The following GABBR2 variants were observed in gnomAD, a reference collection of about 807,000 sequenced individuals.
GABBR2 encodes gamma-aminobutyric acid type B receptor subunit 2, also known as G-protein coupled receptor 51.
A neutral mutation model predicts 105.6 loss-of-function variants in GABBR2; 23 were observed. That is an observed-to-expected ratio of 0.22 (90% CI 0.16 to 0.31). The LOEUF (loss-of-function observed/expected upper bound fraction) is 0.31. Ranked by LOEUF, GABBR2 falls within the 10% of genes least tolerant of loss-of-function variation. The probability of loss-of-function intolerance (pLI) is 1.00; values close to 1 mark genes in which losing one functional copy is unlikely to be tolerated. For synonymous variants in GABBR2, 478 were observed against 499.7 expected (o/e 0.96, Z 0.58); for missense variants, 734 against 1,245.5 (o/e 0.59, Z 6.18).
intron 4 of GABBR2, among the ~76,000 whole-genome samples, chr9:98,492,262 T>A (rs1178004390): frequency 6.9e-6 from 1 of 145,138 alleles, no homozygotes; most frequent in Non-Finnish European, 1.5e-5. Flanking sequence ...ATTGTTGTAG[T>A]TCAAAAACTG....
At chr9:98,448,310 C>G (rs1480541028) in intron 7 of GABBR2, among the ~76,000 whole-genome samples, 1 of 152,106 alleles carries the variant, frequency 6.6e-6, no homozygotes, top group Non-Finnish European at 1.5e-5. Flanking sequence ...TTCAATTTCC[C>G]TATGGTCAAA....
intron 3 of GABBR2, among the ~76,000 whole-genome samples, chr9:98,498,161 T>C (rs556826423): frequency 6.6e-6 from 1 of 151,026 alleles, no homozygotes; most frequent in East Asian, 2.0e-4. Context: ...ACTCTATTCA[T>C]ATGAGATACT....
intron 16 of GABBR2, chr9:98,302,961 C>A: frequency 2.3e-6 from 1 of 427,212 alleles, no homozygotes; most frequent in Non-Finnish European, 4.1e-6. Context: ...TCCAGAAGCT[C>A]ACAAATCTCC....
intron 1 of GABBR2, among the ~76,000 whole-genome samples, chr9:98,580,696 G>C (rs750701715): frequency 3.9e-4 from 59 of 152,282 alleles, no homozygotes; most frequent in South Asian, 1.2e-3. Flanking sequence ...GCTGAGGCAG[G>C]AGAATCGCTT....
At chr9:98,423,927 G>A (rs915037237) in intron 7 of GABBR2, among the ~76,000 whole-genome samples, 3 of 152,074 alleles carry the variant, frequency 2.0e-5, no homozygotes, top group Non-Finnish European at 2.9e-5. Flanking sequence ...GATATGCGGC[G>A]TTATTTCTGA....
At position 98,642,750 on chromosome 9, in the gene GABBR2, T is replaced by C. The variant is rs556530883; in HGVS notation, c.322-64678A>G. Among the ~76,000 whole-genome samples the C allele has an allele frequency of 3.9e-5, 6 of 152,314 alleles. No individual in the cohort carries two copies. The East Asian group carries it at 1.2e-3, about 29-fold the overall frequency. Reference sequence around the variant, plus strand: ...GAAAATTCTGTTTTAGGCGTGCGCGTGTGTGTGTAGGTGTGAATGCACTGT... The same window carrying C: ...GAAAATTCTGTTTTAGGCGTGCGCGCGTGTGTGTAGGTGTGAATGCACTGT... On this transcript the variant is annotated intron_variant, in intron 1 of 18. Transcript: ENST00000259455.
chr9:98,469,695 C>T (rs1826629132), intron 6 of GABBR2, among the ~76,000 whole-genome samples: 1 of 152,242 alleles, frequency 6.6e-6, no homozygotes, highest in Non-Finnish European at 1.5e-5. Flanking sequence ...CCAAGGGTTA[C>T]AATGTGGATA....
In GABBR2 at chr9:98,388,639, GT is replaced by G. The variant is rs1378869458; in HGVS notation, c.1529+214del. Reference sequence around the variant, plus strand: ...GGCCTCTGTGTGTGTGTGTGTGTGTGTGTGTGTGTGTGTGTGTGTGTGCGTG... The same window carrying G: ...GGCCTCTGTGTGTGTGTGTGTGTGTGGTGTGTGTGTGTGTGTGTGTGCGTG... On this transcript the variant is annotated intron_variant, in intron 10 of 18. Coordinates refer to ENST00000259455, the MANE Select transcript of GABBR2 (RefSeq NM_005458.8). This position sits in a 1 kb window ranked among gnomAD's most constrained non-coding sequence, Gnocchi z 4.4. Among the ~76,000 whole-genome samples, 4 of 151,866 alleles carry G rather than the reference GT, an allele frequency of 2.6e-5. No homozygotes were observed. The highest frequency in any genetic ancestry group is 6.6e-5 in the Admixed American group (1 of 15,254).
chr9:98,581,890 T>C (rs138656967), intron 1 of GABBR2, among the ~76,000 whole-genome samples: 2 of 152,370 alleles, frequency 1.3e-5, no homozygotes, highest in Non-Finnish European at 2.9e-5. Context: ...ATCCAGCCCA[T>C]GCAAGATTCT....
At chr9:98,485,438 T>A (rs1246899253) in intron 4 of GABBR2, among the ~76,000 whole-genome samples, 1 of 151,984 alleles carries the variant, frequency 6.6e-6, no homozygotes. Flanking sequence ...CCCTGTCTCA[T>A]CCCTCATCTA....
chr9:98,291,085 C>T (rs1361293388), intron 18 of GABBR2, among the ~76,000 whole-genome samples: 1 of 152,118 alleles, frequency 6.6e-6, no homozygotes, highest in East Asian at 1.9e-4. Context: ...TTCCCATAAA[C>T]CCATTGTAAG....
At chr9:98,584,201 A>G (rs1486576806) in intron 1 of GABBR2, among the ~76,000 whole-genome samples, 2 of 151,798 alleles carry the variant, frequency 1.3e-5, no homozygotes, top group Admixed American at 6.6e-5. Flanking sequence ...GCATGGCCAC[A>G]ACTTGACCAG....
At chr9:98,604,705 A>G (rs1346598833) in intron 1 of GABBR2, among the ~76,000 whole-genome samples, 1 of 152,206 alleles carries the variant, frequency 6.6e-6, no homozygotes, top group African/African-American at 2.4e-5. Context: ...AGATCTTTAT[A>G]TAAGGCCCTT....
At chr9:98,412,812 C>T (rs1010415753) in intron 7 of GABBR2, among the ~76,000 whole-genome samples, 3 of 152,170 alleles carry the variant, frequency 2.0e-5, no homozygotes, top group African/African-American at 2.4e-5. Context: ...GAGAGCCCTG[C>T]GCTTCCAGAA....
At chr9:98,595,874 A>G (rs1053005690) in intron 1 of GABBR2, among the ~76,000 whole-genome samples, 2 of 152,124 alleles carry the variant, frequency 1.3e-5, no homozygotes, top group Non-Finnish European at 2.9e-5. Flanking sequence ...TCCCACAGCC[A>G]TAAGTCCTCT....
intron 13 of GABBR2, among the ~76,000 whole-genome samples, chr9:98,318,480 G>A (rs1321492023): frequency 1.3e-5 from 2 of 152,210 alleles, no homozygotes; most frequent in Non-Finnish European, 2.9e-5. Context: ...ACAATCATGT[G>A]CTTCTGTGTG....
At chr9:98,674,702 C>T (rs1830453000) in intron 1 of GABBR2, among the ~76,000 whole-genome samples, 1 of 152,150 alleles carries the variant, frequency 6.6e-6, no homozygotes, top group Non-Finnish European at 1.5e-5. Flanking sequence ...GGCGGCCCAG[C>T]ATGGTGGGGC....
At chr9:98,557,920 G>C (rs1010311421) in intron 2 of GABBR2, among the ~76,000 whole-genome samples, 1 of 152,138 alleles carries the variant, frequency 6.6e-6, no homozygotes, top group African/African-American at 2.4e-5. Flanking sequence ...TGGGATTACA[G>C]GTTCATCAAA....
At chr9:98,384,762 G>C (rs1832041740) in intron 11 of GABBR2, among the ~76,000 whole-genome samples, 2 of 152,104 alleles carry the variant, frequency 1.3e-5, no homozygotes, top group African/African-American at 2.4e-5. Flanking sequence ...CAGCCCCCTT[G>C]GGGGCAACTG....
Sources: allele counts gnomAD v4.1 joint callset (sites outside exome capture counted in the v4.1 genomes callset), GRCh38; gene constraint gnomAD v4.1.1; non-coding constraint Gnocchi (gnomAD v3.1); transcripts MANE v1.5; gene names NCBI Gene and HGNC (gene_info 2026-07-23, HGNC 2026-07-21).